LAMA1: variants seen among roughly 807,000 people sequenced by gnomAD.
LAMA1 encodes laminin subunit alpha-1.
Under a neutral mutation model 348.7 loss-of-function variants are expected in LAMA1, and 219 were observed. The ratio of observed to expected loss-of-function variants is 0.63; its 90% CI spans 0.56 to 0.70. The LOEUF (loss-of-function observed/expected upper bound fraction) is 0.70. LAMA1 is among the 30% of genes least tolerant of loss of function. The pLI is 0.00. For synonymous variants in LAMA1, 1,487 were observed against 1,491.0 expected (o/e 1.00, Z 0.06); for missense variants, 3,744 against 3,888.0 (o/e 0.96, Z 0.99).
At chr18:7,023,069 T>G in intron 19 of LAMA1, 95 bp downstream of exon 19, 2 of 1,349,660 alleles carry the variant, frequency 1.5e-6, no homozygotes, top group Admixed American at 2.0e-5. Flanking sequence ...GAGTGTGACC[T>G]CCTAGGCGGG....
In LAMA1 at chr18:6,971,220, TG is replaced by T. The variant is rs566136344; in HGVS notation, c.6899+636del. ...GTTATTTTGTTATAAAATAATGGGT[TG>T]GGGGGGAAGATGTTGCACTTGGTAA... On this transcript the variant is annotated intron_variant, in intron 48 of 62. Transcript: ENST00000389658. Among the ~76,000 whole-genome samples the T allele has an allele frequency of 4.2e-3, 640 of 152,222 alleles. 4 individuals carry two copies. Among genetic ancestry groups the T allele is most frequent in the Middle Eastern group, 0.034 (10 of 294 alleles).
chr18:7,066,572 G>C (rs1027473785), intron 3 of LAMA1, among the ~76,000 whole-genome samples: 1 of 152,150 alleles, frequency 6.6e-6, no homozygotes, highest in Non-Finnish European at 1.5e-5. Context: ...ATTTACACAT[G>C]TGAAGATAAT....
intron 3 of LAMA1, among the ~76,000 whole-genome samples, chr18:7,059,694 T>C (rs1279984654): frequency 6.6e-6 from 1 of 152,200 alleles, no homozygotes. Context: ...TCAGGAAATC[T>C]ATGGGGCTCA....
intron 35 of LAMA1, among the ~76,000 whole-genome samples, chr18:6,993,123 C>A (rs1271434348): frequency 6.6e-6 from 1 of 152,154 alleles, no homozygotes; most frequent in Non-Finnish European, 1.5e-5. Flanking sequence ...AATTTCCTTA[C>A]CTTTTGCCCT....
At chr18:7,115,654 C>T (rs2058352268) in intron 1 of LAMA1, among the ~76,000 whole-genome samples, 2 of 149,588 alleles carry the variant, frequency 1.3e-5, no homozygotes, top group Admixed American at 1.3e-4. Context: ...ATTCATGGGG[C>T]ACAAAATCGT....
chr18:7,040,282 G>GCAAAAAA (rs771562453), intron 9 of LAMA1, 46 bp from the exon 10 acceptor site: 11 of 1,602,688 alleles, frequency 6.9e-6, no homozygotes, highest in Admixed American at 3.3e-5. Context: ...GGCAAAAGAG[G>GCAAAAAA]TTTAAAGCAG....
At chr18:6,989,203 G>C (rs1367283857) in intron 36 of LAMA1, among the ~76,000 whole-genome samples, 2 of 152,144 alleles carry the variant, frequency 1.3e-5, no homozygotes, top group Non-Finnish European at 2.9e-5. Context: ...TTTCTTGCTG[G>C]GGGAGGAGTG....
At chr18:7,019,461 T>C (rs563491466) in intron 19 of LAMA1, among the ~76,000 whole-genome samples, 14 of 152,206 alleles carry the variant, frequency 9.2e-5, no homozygotes, top group African/African-American at 3.1e-4. Context: ...GATGATAATT[T>C]AAAAAATCAT....
intron 33 of LAMA1, among the ~76,000 whole-genome samples, chr18:6,997,432 C>T (rs1400736274): frequency 2.0e-5 from 3 of 152,162 alleles, no homozygotes; most frequent in African/African-American, 7.2e-5. Flanking sequence ...TACAGAAGAG[C>T]AAGTGGACTT....
chr18:6,958,647 T>TG lies in LAMA1; in HGVS notation c.7793_7794insC (p.Gln2598HisfsTer4). Reference sequence around the variant, plus strand: ...TTTCCACAGGATTGTTCTCATCCAATTGGACAGTGATAATTCTAAAAGACC... The same window carrying TG: ...TTTCCACAGGATTGTTCTCATCCAATGTGGACAGTGATAATTCTAAAAGACC... On this transcript the variant is annotated frameshift_variant, in exon 55 of 63. Coordinates refer to ENST00000389658, the MANE Select transcript of LAMA1 (RefSeq NM_005559.4). LOFTEE classifies it high-confidence loss of function. 6.2e-7 allele frequency: 1 copy of TG among 1,613,932 alleles called. No individual in the cohort carries two copies. Among genetic ancestry groups the TG allele is most frequent in the Non-Finnish European group, 8.5e-7 (1 of 1,179,790 alleles).
intron 36 of LAMA1, among the ~76,000 whole-genome samples, chr18:6,987,746 A>G (rs963851858): frequency 6.6e-6 from 1 of 152,206 alleles, no homozygotes; most frequent in Non-Finnish European, 1.5e-5. Flanking sequence ...AAGGTTATAA[A>G]TTTGAACTCT....
intron 56 of LAMA1, 116 bp from the exon 57 acceptor site, chr18:6,955,581 C>A: frequency 1.4e-6 from 1 of 736,648 alleles, no homozygotes; most frequent in Non-Finnish European, 2.4e-6. Context: ...ACAGCAACAA[C>A]CACCAGTGCC....
chr18:7,073,453 T>G (rs1370790928), intron 3 of LAMA1, among the ~76,000 whole-genome samples: 2 of 152,278 alleles, frequency 1.3e-5, no homozygotes, highest in South Asian at 2.1e-4. Context: ...CCGCTCCACT[T>G]TCTGTCTCTA....
intron 1 of LAMA1, among the ~76,000 whole-genome samples, chr18:7,098,505 C>G (rs1386213012): frequency 1.3e-5 from 2 of 151,924 alleles, no homozygotes; most frequent in Non-Finnish European, 2.9e-5. Context: ...CCCGCCGCCC[C>G]GTCTGGGATG....
intron 55 of LAMA1, among the ~76,000 whole-genome samples, chr18:6,957,939 C>T (rs2057588055): frequency 1.3e-5 from 2 of 152,122 alleles, no homozygotes; most frequent in African/African-American, 2.4e-5. Context: ...TGCCACCACA[C>T]CCGGCTAATT....
chr18:7,078,861 C>A (rs1026180453), intron 3 of LAMA1, among the ~76,000 whole-genome samples: 1 of 152,204 alleles, frequency 6.6e-6, no homozygotes, highest in Admixed American at 6.5e-5. Context: ...GCGACAGGAG[C>A]CTGTAGTCCC....
intron 3 of LAMA1, among the ~76,000 whole-genome samples, chr18:7,077,199 C>CT (rs71165719): frequency 0.021 from 2,564 of 119,726 alleles, 58 homozygotes; most frequent in African/African-American, 0.051. Context: ...CTGTTCTTTT[C>CT]TTTTTTTTTT....
chr18:7,112,640 CA>C lies in LAMA1; in HGVS notation c.61+5019del, dbSNP rs1202536831. Among the ~76,000 whole-genome samples, 354 of 90,856 alleles carry C rather than the reference CA, an allele frequency of 3.9e-3. 3 individuals are homozygous for C. Among genetic ancestry groups the C allele is most frequent in the African/African-American group, 0.013 (332 of 24,744 alleles). The allele number at this position is 90,856 out of a possible 152,430, so 59.6% of individuals were successfully genotyped here. On this transcript the variant is annotated intron_variant, in intron 1 of 62. Coordinates refer to ENST00000389658, the MANE Select transcript of LAMA1 (RefSeq NM_005559.4). ...TATATGTATTTTATATATATATATACATTTTTTTTTTTTGAGACAGAGTTTC... is the reference window on the plus strand; with the variant it reads ...TATATGTATTTTATATATATATATACTTTTTTTTTTTTGAGACAGAGTTTC...
At chr18:7,075,824 C>G (rs2058165575) in intron 3 of LAMA1, among the ~76,000 whole-genome samples, 1 of 151,094 alleles carries the variant, frequency 6.6e-6, no homozygotes, top group African/African-American at 2.4e-5. Flanking sequence ...GTAGTCCCAG[C>G]CACTTGGGAG....
Sources: allele counts gnomAD v4.1 joint callset (sites outside exome capture counted in the v4.1 genomes callset), GRCh38; gene constraint gnomAD v4.1.1; transcripts MANE v1.5; gene names NCBI Gene and HGNC (gene_info 2026-07-23, HGNC 2026-07-21).